The following MACROD1 variants were observed in gnomAD, a reference collection of about 807,000 sequenced individuals.
MACROD1 encodes the protein mono-ADP ribosylhydrolase 1, also known as ADP-ribose glycohydrolase MACROD1.
In MACROD1, 31 loss-of-function variants were observed where a neutral mutation model predicts 41.4. The ratio of observed to expected loss-of-function variants is 0.75; its 90% confidence interval spans 0.56 to 1.01. The LOEUF is 1.01. Ranked by LOEUF, MACROD1 falls within the 50% of genes least tolerant of loss-of-function variation. The probability of loss-of-function intolerance (pLI) is 0.00; values close to 1 mark genes in which losing one functional copy is unlikely to be tolerated. For missense variants in MACROD1, 473 were observed against 460.0 expected, an observed-to-expected ratio of 1.03 and a Z score of -0.26; for synonymous variants, 252 against 203.4, an observed-to-expected ratio of 1.24 and a Z score of -2.03.
At chr11:64,025,077 A>AGAGAC (rs1233447665) in intron 3 of MACROD1, among the ~76,000 whole-genome samples, 3 of 152,082 alleles carry the variant, frequency 2.0e-5, no homozygotes, top group Non-Finnish European at 4.4e-5. Flanking sequence ...CCCAGGTTCA[A>AGAGAC]GAGATTCTGC....
chr11:64,056,600 A>G (rs972125050), intron 3 of MACROD1, among the ~76,000 whole-genome samples: 1 of 152,220 alleles, frequency 6.6e-6, no homozygotes, highest in African/African-American at 2.4e-5. Flanking sequence ...GCCAGCCCTG[A>G]GTCCGGATGG....
intron 3 of MACROD1, among the ~76,000 whole-genome samples, chr11:64,066,294 CAAAAAAAAA>C (rs59963244): frequency 3.9e-5 from 2 of 50,936 alleles, no homozygotes; most frequent in Non-Finnish European, 8.6e-5. Flanking sequence ...GAGACTGTCT[CAAAAAAAAA>C]AAAAAAAAAA....
Position 63,999,773 on chromosome 11 carries a change from G to T in MACROD1, c.665-10C>A, listed in dbSNP as rs1044802551. The T allele has an allele frequency of 6.2e-7, 1 of 1,603,406 alleles. No individual in the cohort carries two copies. The highest frequency in any genetic ancestry group is 8.5e-7 in the Non-Finnish European group (1 of 1,178,494). ...ACTGTGTGGATGACGTCTACGGGGG[G>T]CGACGGGGTCAGACCGGCGGGGGTC... On this transcript the variant is annotated splice_polypyrimidine_tract_variant and intron_variant, in intron 5 of 10. Coordinates refer to ENST00000255681, the MANE Select transcript of MACROD1 (RefSeq NM_014067.4).
chr11:64,135,575 A>G (rs763759485), intron 3 of MACROD1, among the ~76,000 whole-genome samples: 1 of 152,200 alleles, frequency 6.6e-6, no homozygotes, highest in Non-Finnish European at 1.5e-5. Flanking sequence ...CAGGCCATAA[A>G]ACTGATTTCC....
chr11:64,046,752 A>T (rs1000075501), intron 3 of MACROD1, among the ~76,000 whole-genome samples: 2 of 152,046 alleles, frequency 1.3e-5, no homozygotes, highest in African/African-American at 4.8e-5. Flanking sequence ...GCCTGCCTCA[A>T]CGTCCCAAAG....
At chr11:64,001,237 G>A (rs1942820796) in intron 4 of MACROD1, 1 of 598,508 alleles carries the variant, frequency 1.7e-6, no homozygotes, top group African/African-American at 1.9e-5. Context: ...ACCCCTCATC[G>A]GCTGTGAGAT....
At chr11:64,061,520 C>A (rs1196324362) in intron 3 of MACROD1, among the ~76,000 whole-genome samples, 1 of 152,218 alleles carries the variant, frequency 6.6e-6, no homozygotes, top group African/African-American at 2.4e-5. Context: ...CGGCTCTGCA[C>A]TGTGATCACC....
In MACROD1 at chr11:64,096,946, A is replaced by G. The variant is rs1488568265; in HGVS notation, c.517+54293T>C. On this transcript the variant is annotated intron_variant, in intron 3 of 10. Coordinates refer to ENST00000255681, the MANE Select transcript of MACROD1 (RefSeq NM_014067.4). This position sits in a 1 kb window ranked among gnomAD's most constrained non-coding sequence, Gnocchi z 4.6. ...GCCCTTGCTGGTCCCCCGCTCACCC[A>G]CTCTCTCAGCGTCTGGGCCCGGGAG... Among the ~76,000 whole-genome samples, 1 of 151,728 alleles carries G rather than the reference A, an allele frequency of 6.6e-6. No homozygotes were observed. The highest frequency in any genetic ancestry group is 1.5e-5 in the Non-Finnish European group (1 of 67,924).
At chr11:64,164,672 C>G (rs1435221778) in intron 1 of MACROD1, among the ~76,000 whole-genome samples, 6 of 152,360 alleles carry the variant, frequency 3.9e-5, no homozygotes, top group Admixed American at 1.3e-4. Context: ...CCTCTGGTCC[C>G]GAGAAAGCCA....
chr11:64,118,087 A>C, intron 3 of MACROD1: 1 of 1,611,778 alleles, frequency 6.2e-7, no homozygotes, highest in African/African-American at 1.3e-5. Context: ...GGGACCAAGA[A>C]GGATAACTCC....
chr11:64,166,098 C>T lies in MACROD1; in HGVS notation c.-104G>A. The T allele has an allele frequency of 8.4e-7, 1 of 1,186,292 alleles. No individual in the cohort carries two copies. Among genetic ancestry groups the T allele is most frequent in the East Asian group, 3.2e-5 (1 of 31,122 alleles). The allele number at this position is 1,186,292 out of a possible 1,614,324, so 73.5% of individuals were successfully genotyped here. A position where few individuals can be genotyped will look rare whatever the true frequency, so the allele number is the denominator to read the frequency against. Reference sequence around the variant, plus strand: ...CTGGGACCGGGTGGCGACTGCCAGCCAGCGGCGACCTGCTCGGAGCCAGCG... The same window carrying T: ...CTGGGACCGGGTGGCGACTGCCAGCTAGCGGCGACCTGCTCGGAGCCAGCG... On this transcript the variant is annotated 5_prime_UTR_variant, in exon 1 of 11. Transcript: ENST00000255681.
At chr11:64,087,442 A>G (rs1001358201) in intron 3 of MACROD1, among the ~76,000 whole-genome samples, 1 of 152,200 alleles carries the variant, frequency 6.6e-6, no homozygotes, top group African/African-American at 2.4e-5. Context: ...CTCCCAAGAA[A>G]GCCAGGTTCT....
intron 3 of MACROD1, among the ~76,000 whole-genome samples, chr11:64,019,638 A>T (rs1943127158): frequency 6.6e-6 from 1 of 152,178 alleles, no homozygotes; most frequent in Non-Finnish European, 1.5e-5. Context: ...ATTCAGTGCC[A>T]GTTGGGTGCC....
chr11:64,038,909 G>C (rs1266015627), intron 3 of MACROD1, among the ~76,000 whole-genome samples: 1 of 152,178 alleles, frequency 6.6e-6, no homozygotes, highest in Non-Finnish European at 1.5e-5. Context: ...TGGGGTAACA[G>C]CAGTACCTAC....
chr11:63,999,898 C>T lies in MACROD1; in HGVS notation c.665-135G>A, dbSNP rs574304633. On this transcript the variant is annotated intron_variant, in intron 5 of 10. Coordinates refer to ENST00000255681, the MANE Select transcript of MACROD1 (RefSeq NM_014067.4). Reference sequence around the variant, plus strand: ...GCGCTGAGCCTCCTCCGCGAAGGCCCCCACCCCTGTGGGCCCCCTCGAGCC... The same window carrying T: ...GCGCTGAGCCTCCTCCGCGAAGGCCTCCACCCCTGTGGGCCCCCTCGAGCC... The T allele has an allele frequency of 6.0e-5, 65 of 1,075,072 alleles. 1 individual carries two copies. In the African/African-American group the frequency reaches 8.5e-4, roughly 14 times the overall value. The allele number at this position is 1,075,072 out of a possible 1,614,324, so 66.6% of individuals were successfully genotyped here.
At chr11:64,009,493 T>G (rs1942967953) in intron 4 of MACROD1, among the ~76,000 whole-genome samples, 1 of 152,216 alleles carries the variant, frequency 6.6e-6, no homozygotes, top group Non-Finnish European at 1.5e-5. Context: ...CCTACCAAAC[T>G]GGGTCTCCCT....
At chr11:64,052,756 G>A (rs895246134) in intron 3 of MACROD1, among the ~76,000 whole-genome samples, 4 of 152,242 alleles carry the variant, frequency 2.6e-5, no homozygotes, top group Non-Finnish European at 4.4e-5. Flanking sequence ...GAGTTGTGAT[G>A]TAAACCTGAT....
intron 3 of MACROD1, among the ~76,000 whole-genome samples, chr11:64,073,458 C>T (rs936331414): frequency 6.6e-6 from 1 of 152,242 alleles, no homozygotes; most frequent in Non-Finnish European, 1.5e-5. Context: ...TTAGTTTGGG[C>T]ACCTGTCAGG....
intron 3 of MACROD1, among the ~76,000 whole-genome samples, chr11:64,092,338 G>T (rs1207801966): frequency 3.9e-5 from 6 of 152,252 alleles, no homozygotes; most frequent in South Asian, 2.1e-4. Flanking sequence ...CAAGGCCAGA[G>T]ACACAGAGCC....
Sources: gnomAD v4.1 joint callset for allele counts (sites outside exome capture counted in the v4.1 genomes callset) on GRCh38, gnomAD v4.1.1 for gene constraint, Gnocchi (gnomAD v3.1) non-coding constraint, MANE v1.5 for transcripts, NCBI Gene and HGNC (gene_info 2026-07-23, HGNC 2026-07-21) for gene names.